SCAF4: variants seen among roughly 807,000 people sequenced by gnomAD.
SCAF4 encodes SR-related CTD associated factor 4.
In SCAF4, 25 loss-of-function variants were observed where a neutral mutation model predicts 129.8. The ratio of observed to expected loss-of-function variants is 0.19; its 90% CI spans 0.14 to 0.27. SCAF4 has a LOEUF of 0.27. Ranked by LOEUF, SCAF4 falls within the 10% of genes least tolerant of loss-of-function variation. SCAF4 has a pLI of 1.00. For missense variants in SCAF4, 1,246 were observed against 1,457.1 expected (o/e 0.86, Z 2.36); for synonymous variants, 551 against 497.7 (o/e 1.11, Z -1.43).
chr21:31,706,751 G>A, intron 1 of SCAF4: 1 of 234,002 alleles, frequency 4.3e-6, no homozygotes, highest in Non-Finnish European at 8.7e-6. Context: ...GGAGCAAAGA[G>A]AAAACAGACT....
At chr21:31,712,509 T>C (rs540167251) in intron 1 of SCAF4, among the ~76,000 whole-genome samples, 2 of 150,426 alleles carry the variant, frequency 1.3e-5, no homozygotes, top group South Asian at 2.1e-4. Context: ...AGAGCCACCA[T>C]GTCTGGCCTG....
At chr21:31,718,089 A>T (rs1379153097) in intron 1 of SCAF4, among the ~76,000 whole-genome samples, 1 of 152,002 alleles carries the variant, frequency 6.6e-6, no homozygotes, top group African/African-American at 2.4e-5. Flanking sequence ...GATTACAGGC[A>T]TGTGCCACCA....
chr21:31,730,623 C>T (rs1349929296), intron 1 of SCAF4, among the ~76,000 whole-genome samples: 1 of 152,196 alleles, frequency 6.6e-6, no homozygotes, highest in Non-Finnish European at 1.5e-5. Context: ...GTTGCTTTAT[C>T]TTTGGTATTT....
chr21:31,729,765 A>G (rs1346439451), intron 1 of SCAF4, among the ~76,000 whole-genome samples: 1 of 152,258 alleles, frequency 6.6e-6, no homozygotes, highest in Admixed American at 6.5e-5. Context: ...ATGAACAATG[A>G]TAAGAAAATG....
At chr21:31,683,118 TTC>T (rs1342952307) in intron 19 of SCAF4, among the ~76,000 whole-genome samples, 11 of 152,344 alleles carry the variant, frequency 7.2e-5, no homozygotes, top group South Asian at 4.1e-4. Context: ...AATTTTAAAA[TTC>T]TGTTTTAGAA....
intron 1 of SCAF4, among the ~76,000 whole-genome samples, chr21:31,731,335 A>T (rs896885693): frequency 2.6e-5 from 4 of 152,210 alleles, no homozygotes; most frequent in African/African-American, 9.6e-5. Flanking sequence ...CTCGCGGAGC[A>T]GAGAGCGAGG....
At position 31,709,062 on chromosome 21, in the gene SCAF4, C is replaced by A. The variant is rs1239182894; in HGVS notation, c.31-2705G>T. Among the ~76,000 whole-genome samples, 4 of 152,252 alleles carry A rather than the reference C, an allele frequency of 2.6e-5. No homozygotes were observed. The East Asian group carries it at 7.7e-4, about 29-fold the overall frequency. On this transcript the variant is annotated intron_variant, in intron 1 of 19. Coordinates refer to ENST00000286835, the MANE Select transcript of SCAF4 (RefSeq NM_020706.2). The stretch of plus-strand genomic sequence containing the variant: ...TAAAAATCAAAGCTTTGTGTGAAAT[C>A]TCTAATTTATGGAGAAGCTAGGTAA...
At chr21:31,699,187 T>C (rs2050458979) in intron 7 of SCAF4, among the ~76,000 whole-genome samples, 1 of 152,124 alleles carries the variant, frequency 6.6e-6, no homozygotes. Flanking sequence ...ATTTAGTGTA[T>C]AAAAAAGTAG....
intron 14 of SCAF4, 55 bp downstream of exon 14, chr21:31,691,762 T>A: frequency 1.2e-6 from 1 of 828,346 alleles, no homozygotes; most frequent in Non-Finnish European, 1.8e-6. Context: ...TGCCACATAT[T>A]TTTCCCCTTC....
At position 31,685,095 on chromosome 21, in the gene SCAF4, G is replaced by A; in HGVS notation, c.2442C>T (p.Pro814=). 1.2e-6 allele frequency: 2 copies of A among 1,613,050 alleles called. No homozygotes were observed. The highest frequency in any genetic ancestry group is 1.7e-6 in the Non-Finnish European group (2 of 1,179,734). The part of the protein sequence containing the change: ...MYGSAVPPAA[P]TNLPTPPVTQ... ...TTACAGGAGGGGTGGGCAGATTCGT[G>A]GGTGCAGCAGGTGGCACGGCAGAGC... Residue 814 remains proline, a synonymous_variant, in exon 19 of 20, where the codon CCC becomes CCT. Transcript: ENST00000286835.
At chr21:31,703,660 A>T in intron 4 of SCAF4, 105 bp downstream of exon 4, 1 of 598,164 alleles carries the variant, frequency 1.7e-6, no homozygotes, top group Non-Finnish European at 2.8e-6. Context: ...AGACATCGCT[A>T]CATGAAAATC....
intron 19 of SCAF4, among the ~76,000 whole-genome samples, chr21:31,674,716 C>A (rs781290347): frequency 2.0e-5 from 3 of 152,170 alleles, no homozygotes; most frequent in Non-Finnish European, 4.4e-5. Flanking sequence ...GTGAAAAGGG[C>A]ATTCAAAGCA....
intron 8 of SCAF4, 143 bp downstream of exon 8, chr21:31,696,426 T>TC (rs2050387367): frequency 1.1e-6 from 1 of 911,700 alleles, no homozygotes; most frequent in Admixed American, 3.0e-5. Context: ...GAGGATCCCT[T>TC]CCTCATTCAA....
chr21:31,704,116 C>T (rs1348375808), intron 3 of SCAF4, among the ~76,000 whole-genome samples, 190 bp from the exon 4 acceptor site: 1 of 151,954 alleles, frequency 6.6e-6, no homozygotes, highest in Non-Finnish European at 1.5e-5. Flanking sequence ...AACTACCATT[C>T]TCTTGATACT....
At chr21:31,705,379 A>T in intron 3 of SCAF4, 44 bp downstream of exon 3, 1 of 916,268 alleles carries the variant, frequency 1.1e-6, no homozygotes, top group African/African-American at 1.7e-5. Flanking sequence ...GTAAATTACA[A>T]ATCATATTGT....
intron 1 of SCAF4, among the ~76,000 whole-genome samples, chr21:31,731,364 G>A (rs2051351707): frequency 6.6e-6 from 1 of 152,224 alleles, no homozygotes. Context: ...ACCCGAAAAA[G>A]GGCCAAGTTA....
intron 16 of SCAF4, among the ~76,000 whole-genome samples, chr21:31,686,400 A>G (rs1340242835): frequency 6.6e-6 from 1 of 152,082 alleles, no homozygotes; most frequent in Non-Finnish European, 1.5e-5. Context: ...AATTTACACA[A>G]TGGCTAAGAT....
In SCAF4 at chr21:31,685,750, A is replaced by G; in HGVS notation, c.2044-17T>C. The G allele has an allele frequency of 6.4e-7, 1 of 1,556,740 alleles. No individual in the cohort carries two copies. The highest frequency in any genetic ancestry group is 2.0e-5 in the Admixed American group (1 of 49,990). On this transcript the variant is annotated splice_polypyrimidine_tract_variant and intron_variant, in intron 16 of 19. Transcript: ENST00000286835. ...TGGTGGGACCTAGAAAGAAAGATAA[A>G]AGAATAAACCACCTATCTAGACACC...
Position 31,694,928 on chromosome 21 carries a change from G to A in SCAF4, c.1121C>T (p.Pro374Leu). Residue 374 changes from proline (P) to leucine (L), a missense_variant, in exon 10 of 20, where the codon CCT (proline) becomes CTT (leucine). By Grantham distance (98) the Pro-to-Leu change is moderately conservative (BLOSUM62 -3). This residue lies in a region of SCAF4 where 236 missense variants were observed against 210.0 expected (regional missense o/e 1.12). Coordinates refer to ENST00000286835, the MANE Select transcript of SCAF4 (RefSeq NM_020706.2). ...AGGCTGAGCCATGGGAGGAAATGGAGGTGTAGGAAGAAGTCCAAATCCTGG... is the reference window on the plus strand; with the variant it reads ...AGGCTGAGCCATGGGAGGAAATGGAAGTGTAGGAAGAAGTCCAAATCCTGG... ...QMPGFGLLPT[P>L]PFPPMAQPVI... The A allele has an allele frequency of 6.2e-7, 1 of 1,614,036 alleles. No homozygotes were observed.
Sources: gnomAD v4.1 joint callset for allele counts (sites outside exome capture counted in the v4.1 genomes callset) on GRCh38, gnomAD v4.1.1 for gene constraint, gnomAD v4.1.1 regional missense constraint, MANE v1.5 for transcripts, NCBI Gene and HGNC (gene_info 2026-07-23, HGNC 2026-07-21) for gene names.